MYO9A: variants seen among roughly 807,000 people sequenced by gnomAD.
The protein encoded by MYO9A is unconventional myosin-IXa.
A neutral mutation model predicts 293.3 loss-of-function variants in MYO9A; 103 were observed. The observed-to-expected ratio is 0.35, with a 90% CI of 0.30 to 0.41. MYO9A has a LOEUF of 0.41. Among genes scored for constraint, MYO9A ranks in the 10% least tolerant of loss-of-function variants. MYO9A has a pLI of 1.00. For synonymous variants in MYO9A, 1,001 were observed against 1,035.7 expected, an observed-to-expected ratio of 0.97 and a Z score of 0.64; for missense variants, 2,685 against 3,033.0, an observed-to-expected ratio of 0.89 and a Z score of 2.69.
chr15:72,098,100 T>C (rs2080124452), intron 1 of MYO9A, among the ~76,000 whole-genome samples: 1 of 152,072 alleles, frequency 6.6e-6, no homozygotes, highest in African/African-American at 2.4e-5. Context: ...ACACATACTT[T>C]TACAATGTGA....
intron 15 of MYO9A, among the ~76,000 whole-genome samples, chr15:71,949,388 G>A (rs2058999449): frequency 6.6e-6 from 1 of 151,566 alleles, no homozygotes; most frequent in Non-Finnish European, 1.5e-5. Flanking sequence ...ATTTTTAGTA[G>A]AGACAGGGTT....
chr15:71,897,435 T>C (rs776935209), intron 25 of MYO9A, 26 bp downstream of exon 25: 1 of 1,555,296 alleles, frequency 6.4e-7, no homozygotes, highest in Admixed American at 1.9e-5. Context: ...GTTTCCCATT[T>C]ATACATAAAT....
At chr15:72,025,058 T>C (rs2077622021) in intron 4 of MYO9A, among the ~76,000 whole-genome samples, 1 of 152,138 alleles carries the variant, frequency 6.6e-6, no homozygotes, top group Admixed American at 6.6e-5. Flanking sequence ...GGAAAATGTA[T>C]GGTCCAACTG....
At chr15:71,928,056 ATTTTTTTTTTTTTT>A (rs1172759885) in intron 18 of MYO9A, among the ~76,000 whole-genome samples, 1 of 6,040 alleles carries the variant, frequency 1.7e-4, no homozygotes, top group Non-Finnish European at 5.8e-4. Flanking sequence ...ATATATATAT[ATTTTTTTTTTTTTT>A]TTTTTTTTTT....
chr15:71,956,131 C>T, intron 14 of MYO9A, among the ~76,000 whole-genome samples: 1 of 149,298 alleles, frequency 6.7e-6, no homozygotes, highest in Non-Finnish European at 1.5e-5. Context: ...ACAGCAAGAC[C>T]CACCTCCAAA....
At chr15:71,995,830 T>C (rs974138697) in intron 9 of MYO9A, among the ~76,000 whole-genome samples, 2 of 152,116 alleles carry the variant, frequency 1.3e-5, no homozygotes, top group African/African-American at 4.8e-5. Context: ...GGCTACTGGT[T>C]ATACATCTAT....
intron 14 of MYO9A, among the ~76,000 whole-genome samples, chr15:71,955,618 G>A (rs1487315320): frequency 1.3e-5 from 2 of 152,190 alleles, no homozygotes; most frequent in East Asian, 3.9e-4. Flanking sequence ...TGAACATTCA[G>A]GAACTATTAT....
intron 2 of MYO9A, among the ~76,000 whole-genome samples, chr15:72,038,317 T>C (rs904233064): frequency 2.6e-5 from 4 of 152,204 alleles, no homozygotes; most frequent in African/African-American, 7.2e-5. Context: ...GTTGAAGCTA[T>C]ACAACACAGT....
chr15:71,930,068 C>A (rs2058432796), intron 18 of MYO9A, among the ~76,000 whole-genome samples: 1 of 152,134 alleles, frequency 6.6e-6, no homozygotes, highest in African/African-American at 2.4e-5. Context: ...TGGTCCTGGG[C>A]TAATCTTTTA....
intron 13 of MYO9A, among the ~76,000 whole-genome samples, chr15:71,961,572 T>A (rs1337848928): frequency 6.6e-6 from 1 of 152,202 alleles, no homozygotes; most frequent in African/African-American, 2.4e-5. Flanking sequence ...ATTTTATAGA[T>A]GAGAAAACTG....
At chr15:72,054,678 CAAAAAAAA>C (rs11284116) in intron 1 of MYO9A, among the ~76,000 whole-genome samples, 33 of 63,934 alleles carry the variant, frequency 5.2e-4, no homozygotes, top group African/African-American at 1.9e-3. Flanking sequence ...GACTCTGTCT[CAAAAAAAA>C]AAAAAAAAAA....
intron 18 of MYO9A, among the ~76,000 whole-genome samples, chr15:71,920,405 G>A (rs1374121979): frequency 6.6e-6 from 1 of 152,016 alleles, no homozygotes; most frequent in Non-Finnish European, 1.5e-5. Flanking sequence ...CTGGGTAGTG[G>A]TATTAGTACC....
At chr15:71,926,627 A>G (rs1567280230) in intron 18 of MYO9A, among the ~76,000 whole-genome samples, 1 of 152,136 alleles carries the variant, frequency 6.6e-6, no homozygotes, top group African/African-American at 2.4e-5. Context: ...GAACTGATTG[A>G]GCTTGGGAGG....
chr15:71,933,762 A>G, intron 17 of MYO9A, 53 bp from the exon 18 acceptor site: 1 of 1,443,752 alleles, frequency 6.9e-7, no homozygotes, highest in Admixed American at 2.0e-5. Flanking sequence ...AACAAAAACA[A>G]AAGCTACTGT....
chr15:71,826,743 G>A lies in MYO9A; in HGVS notation c.7484C>T (p.Pro2495Leu), dbSNP rs775227686. Residue 2495 changes from proline (P) to leucine (L), a missense_variant, in exon 42 of 42, where the codon CCG becomes CTG. Physicochemically the swap from Pro to Leu is moderately conservative, Grantham distance 98. Around this residue, in one of 10 missense-constraint regions of MYO9A, gnomAD observed 350 missense variants for 328.9 expected, o/e 1.06. Coordinates refer to ENST00000356056, the MANE Select transcript of MYO9A (RefSeq NM_006901.4). ...PQFISRGTFNPEKGKQKLKNV... is the reference protein window; with the variant it reads ...PQFISRGTFNLEKGKQKLKNV... ...CTTTAATTTTTGTTTGCCCTTTTCC[G>A]GGTTGAAGGTTCCTCTGCTGATGAA... The A allele has an allele frequency of 5.0e-6, 8 of 1,614,074 alleles. No homozygotes were observed. The highest frequency in any genetic ancestry group is 3.3e-5 in the South Asian group (3 of 91,072).
rs543098441 is a variant in MYO9A at position 71,898,171 on chromosome 15, T to A, written c.4332A>T (p.Leu1444=). 6.2e-6 allele frequency: 10 copies of A among 1,614,162 alleles called. No homozygotes were observed. In the Admixed American group the frequency reaches 1.5e-4, roughly 24 times the overall value. ...CCCCCGCTGTGTCTTCATTTTCCAA[T>A]AGTTTGTTTCTTTGGATACTTGTGT... ...QLDTSIQRNK[L]LENEDTAGEA... Residue 1444 remains leucine, a synonymous_variant, in exon 25 of 42, where the codon CTA becomes CTT. Transcript: ENST00000356056.
At chr15:72,093,480 G>A (rs2079981114) in intron 1 of MYO9A, among the ~76,000 whole-genome samples, 1 of 150,656 alleles carries the variant, frequency 6.6e-6, no homozygotes. Context: ...AGGCTGCAGT[G>A]AGCCGAGATC....
intron 1 of MYO9A, among the ~76,000 whole-genome samples, chr15:72,073,135 C>G (rs928846482): frequency 6.6e-6 from 1 of 152,154 alleles, no homozygotes; most frequent in Non-Finnish European, 1.5e-5. Context: ...ATTAACAAAC[C>G]ATTTGTTCCC....
At chr15:72,002,402 T>A (rs2076893868) in intron 8 of MYO9A, among the ~76,000 whole-genome samples, 1 of 151,934 alleles carries the variant, frequency 6.6e-6, no homozygotes, top group African/African-American at 2.4e-5. Flanking sequence ...CGGGGTTTCA[T>A]CATGTTGCCC....
Sources: gnomAD v4.1 joint callset for allele counts (sites outside exome capture counted in the v4.1 genomes callset) on GRCh38, gnomAD v4.1.1 for gene constraint, gnomAD v4.1.1 regional missense constraint, MANE v1.5 for transcripts, NCBI Gene and HGNC (gene_info 2026-07-23, HGNC 2026-07-21) for gene names.